IL1R1: variants seen among roughly 807,000 people sequenced by gnomAD.
The protein encoded by IL1R1 is interleukin-1 receptor type 1.
Under a neutral mutation model 50.2 loss-of-function variants are expected in IL1R1, and 22 were observed. The ratio of observed to expected loss-of-function variants is 0.44; its 90% CI spans 0.31 to 0.63. The LOEUF (loss-of-function observed/expected upper bound fraction) is 0.63. IL1R1 is among the 20% of genes least tolerant of loss of function. IL1R1 has a pLI of 0.07. For synonymous variants in IL1R1, 251 were observed against 236.7 expected (o/e 1.06, Z -0.55); for missense variants, 509 against 676.2 (o/e 0.75, Z 2.74).
intron 10 of IL1R1, 72 bp downstream of exon 10, chr2:102,174,802 AAG>A: frequency 7.7e-7 from 1 of 1,306,854 alleles, no homozygotes; most frequent in Non-Finnish European, 1.0e-6. Flanking sequence ...GAAGATGACT[AAG>A]AGGGTTTTTA....
At chr2:102,143,352 G>C (rs1682840762) in intron 1 of IL1R1, among the ~76,000 whole-genome samples, 1 of 152,186 alleles carries the variant, frequency 6.6e-6, no homozygotes, top group South Asian at 2.1e-4. Context: ...GTCCCTCTTA[G>C]AGGTTAGGCT....
At chr2:102,168,076 A>C (rs924887434) in intron 6 of IL1R1, among the ~76,000 whole-genome samples, 2 of 152,156 alleles carry the variant, frequency 1.3e-5, no homozygotes, top group Non-Finnish European at 2.9e-5. Context: ...CCCTGAAACC[A>C]ATCTTTTCAT....
At chr2:102,091,870 C>T (rs1293210347) in intron 1 of IL1R1, among the ~76,000 whole-genome samples, 1 of 152,200 alleles carries the variant, frequency 6.6e-6, no homozygotes, top group South Asian at 2.1e-4. Flanking sequence ...AGAATAAGAA[C>T]ATGCAAAATT....
chr2:102,159,941 T>C (rs1413376321), intron 3 of IL1R1, among the ~76,000 whole-genome samples: 1 of 152,236 alleles, frequency 6.6e-6, no homozygotes, highest in Non-Finnish European at 1.5e-5. Flanking sequence ...TTTGTTTCCT[T>C]ATTTTCTAGT....
At chr2:102,099,214 TGTGAATA>T (rs1257104352) in intron 1 of IL1R1, among the ~76,000 whole-genome samples, 1 of 152,154 alleles carries the variant, frequency 6.6e-6, no homozygotes, top group Non-Finnish European at 1.5e-5. Context: ...TATTTCAAAA[TGTGAATA>T]GTGAGAAACT....
chr2:102,087,984 C>CTTTTAATTCTAGTTCTTCA (rs1679500746), intron 1 of IL1R1, among the ~76,000 whole-genome samples: 1 of 152,226 alleles, frequency 6.6e-6, no homozygotes, highest in South Asian at 2.1e-4. Context: ...ATTGATTCCA[C>CTTTTAATTCTAGTTCTTCA]CTTCAGGCTC....
At chr2:102,156,603 C>T (rs1684217658) in intron 2 of IL1R1, among the ~76,000 whole-genome samples, 1 of 152,014 alleles carries the variant, frequency 6.6e-6, no homozygotes, top group Admixed American at 6.6e-5. Context: ...CCCCCGCCTC[C>T]TGGGTTCAAG....
chr2:102,135,381 C>G (rs1287730771), intron 1 of IL1R1, among the ~76,000 whole-genome samples: 2 of 152,036 alleles, frequency 1.3e-5, no homozygotes, highest in South Asian at 4.1e-4. Context: ...CACTCCTCAC[C>G]CCTACAAAGT....
At chr2:102,157,684 G>T in intron 2 of IL1R1, 35 bp from the exon 3 acceptor site, 2 of 1,377,670 alleles carry the variant, frequency 1.5e-6, no homozygotes, top group African/African-American at 1.4e-5. Context: ...TAACATTTTT[G>T]CTTTTGTCTT....
At chr2:102,127,459 C>A (rs533986434) in intron 1 of IL1R1, among the ~76,000 whole-genome samples, 1 of 152,292 alleles carries the variant, frequency 6.6e-6, no homozygotes, top group Non-Finnish European at 1.5e-5. Context: ...CTACCACCTA[C>A]TAGGCTTCAT....
chr2:102,101,805 C>T (rs76664821), upstream of IL1R1, among the ~76,000 whole-genome samples: 911 of 152,256 alleles, frequency 6.0e-3, 13 homozygotes, highest in African/African-American at 0.021. Flanking sequence ...GCTCTGGGCT[C>T]GGCTCAGGGA....
At chr2:102,131,634 A>G (rs56336517) in intron 1 of IL1R1, among the ~76,000 whole-genome samples, 23,392 of 128,482 alleles carry the variant, frequency 0.18, 1,971 homozygotes, top group South Asian at 0.25. Flanking sequence ...GAAAGACATA[A>G]CAATAGAAAC....
Position 102,179,527 on chromosome 2 carries a change from T to G in IL1R1, c.*2768T>G, listed in dbSNP as rs1686411419. On this transcript the variant is annotated 3_prime_UTR_variant, in exon 12 of 12. Transcript: ENST00000410023. ...CCACATTAATTAGATTTTCTTGCAG[T>G]TTTTTTATGGCATTTTTTTAAAGAT... is the stretch of plus-strand genomic sequence containing the variant. 6.5e-6 allele frequency: 1 copy of G among 152,720 alleles called. No homozygotes were observed. Among genetic ancestry groups the G allele is most frequent in the Non-Finnish European group, 1.5e-5 (1 of 68,032 alleles). The allele number at this position is 152,720 out of a possible 1,614,324, so 9.5% of individuals were successfully genotyped here. A position where few individuals can be genotyped will look rare whatever the true frequency, so the allele number is the denominator to read the frequency against.
Position 102,168,673 on chromosome 2 carries a change from C to G in IL1R1, c.721+10C>G. On this transcript the variant is annotated intron_variant, in intron 7 of 11. Coordinates refer to ENST00000410023, the MANE Select transcript of IL1R1 (RefSeq NM_000877.4). The stretch of plus-strand genomic sequence containing the variant: ...ATGGAAGTAGACTTGGGTAAGTGGG[C>G]TTCAGTGAGGGTATGCTGGAATCGG... 1 of 1,599,158 alleles carries G rather than the reference C, an allele frequency of 6.3e-7. No individual in the cohort carries two copies. The highest frequency in any genetic ancestry group is 1.3e-5 in the African/African-American group (1 of 74,294).
In IL1R1 at chr2:102,166,292, G is replaced by A; in HGVS notation, c.655+11G>A. The A allele has an allele frequency of 6.3e-7, 1 of 1,598,276 alleles. No homozygotes were observed. On this transcript the variant is annotated intron_variant, in intron 6 of 11. Coordinates refer to ENST00000410023, the MANE Select transcript of IL1R1 (RefSeq NM_000877.4). ...AATTTATTACTCTAGGTGAGTCATA[G>A]CTCCAGCCCTAAAAGGTTTAGATCT...
At chr2:102,113,541 A>G (rs1235456440) in intron 1 of IL1R1, among the ~76,000 whole-genome samples, 1 of 152,206 alleles carries the variant, frequency 6.6e-6, no homozygotes, top group East Asian at 1.9e-4. Flanking sequence ...GGCTTCCCTC[A>G]TTCTATTCCT....
intron 3 of IL1R1, among the ~76,000 whole-genome samples, chr2:102,160,581 C>T (rs999627071): frequency 4.6e-5 from 7 of 152,050 alleles, no homozygotes; most frequent in African/African-American, 1.4e-4. Flanking sequence ...CTGCTTGACC[C>T]AAGATGGTAC....
At chr2:102,166,364 G>T in intron 6 of IL1R1, 83 bp downstream of exon 6, 1 of 1,084,934 alleles carries the variant, frequency 9.2e-7, no homozygotes, top group South Asian at 2.2e-5. Context: ...CATTATCCAT[G>T]AAGAAACCAA....
In IL1R1 at chr2:102,176,569, A is replaced by T. The variant is rs184416789; in HGVS notation, c.1520A>T (p.Lys507Met). The change falls in exon 12 of 12, where the codon AAG (lysine) becomes ATG (methionine). Residue 507 changes from lysine to methionine, a missense_variant. By Grantham distance (95) the Lys-to-Met change is moderately conservative. Transcript: ENST00000410023. ...ATGCCAGAATCGATTAAATTCATTA[A>T]GCAGAAACATGGGGCTATCCGCTGG... is the stretch of plus-strand genomic sequence containing the variant. ...EKMPESIKFI[K>M]QKHGAIRWSG... 1.2e-6 allele frequency: 2 copies of T among 1,614,200 alleles called. No homozygotes were observed. The highest frequency in any genetic ancestry group is 3.3e-5 in the Admixed American group (2 of 60,026).
Sources: allele counts gnomAD v4.1 joint callset (sites outside exome capture counted in the v4.1 genomes callset), GRCh38; gene constraint gnomAD v4.1.1; transcripts MANE v1.5; gene names NCBI Gene and HGNC (gene_info 2026-07-23, HGNC 2026-07-21).